ZNF142: variants seen among roughly 807,000 people sequenced by gnomAD.
ZNF142 encodes zinc finger protein 142 (clone pHZ-49).
A neutral mutation model predicts 132.1 loss-of-function variants in ZNF142; 96 were observed. That is an observed-to-expected ratio of 0.73 (90% confidence interval 0.62 to 0.86). ZNF142 has a LOEUF of 0.86. Ranked by LOEUF, ZNF142 falls within the 40% of genes least tolerant of loss-of-function variation. The pLI is 0.00. For synonymous variants in ZNF142, 842 were observed against 890.1 expected (o/e 0.95, Z 0.96); for missense variants, 2,163 against 2,336.2 (o/e 0.93, Z 1.53).
In ZNF142 at chr2:218,634,104, G is replaced by A; in HGVS notation, c.*4235C>T. The A allele has an allele frequency of 6.2e-7, 1 of 1,607,352 alleles. No individual in the cohort carries two copies. Among genetic ancestry groups the A allele is most frequent in the Non-Finnish European group, 8.5e-7 (1 of 1,176,864 alleles). ...ATCTCCCTCTCTATACCCTTTTACA[G>A]GCAATGAGTTTGTGCAGCACAATAC... On this transcript the variant is annotated 3_prime_UTR_variant, in exon 11 of 11. Transcript: ENST00000411696. This position sits in a 1 kb window ranked among gnomAD's most constrained non-coding sequence, Gnocchi z 4.0.
Position 218,637,062 on chromosome 2 carries a change from G to A in ZNF142, c.*1277C>T, listed in dbSNP as rs145617745. ...TTCCCCAGCAAAGATTAGGGAAAGA[G>A]ACTTGACCCCAGGACTGTACTACGA... is the stretch of plus-strand genomic sequence containing the variant. On this transcript the variant is annotated 3_prime_UTR_variant, in exon 11 of 11. Transcript: ENST00000411696. 2.1e-4 allele frequency: 83 copies of A among 390,090 alleles called. No individual in the cohort carries two copies. Among genetic ancestry groups the A allele is most frequent in the African/African-American group, 1.6e-3 (75 of 47,828 alleles). 24.2% of individuals were successfully genotyped at this position (390,090 alleles called of 1,614,324 possible).
Position 218,646,201 on chromosome 2 carries a change from A to C in ZNF142, c.2021T>G (p.Val674Gly). The C allele has an allele frequency of 6.2e-7, 1 of 1,614,062 alleles. No individual in the cohort carries two copies. The highest frequency in any genetic ancestry group is 8.5e-7 in the Non-Finnish European group (1 of 1,180,038). ...YVTKWKHYLRVHMRKHAGDLR... is the reference protein window; with the variant it reads ...YVTKWKHYLRGHMRKHAGDLR... ...GTCCCCTGCATGTTTTCGCATGTGC[A>C]CACGGAGGTAGTGCTTCCACTTGGT... is the stretch of plus-strand genomic sequence containing the variant. The change falls in exon 8 of 11, where the codon GTG becomes GGG. Residue 674 changes from valine (V) to glycine (G), a missense_variant. Val to Gly is a moderately radical substitution (Grantham distance 109). This residue lies in a region of ZNF142 where 749 missense variants were observed against 830.3 expected (regional missense o/e 0.90). Transcript: ENST00000411696.
rs1696842429 is a variant in ZNF142, at chr2:218,637,704, A to C, written c.*635T>G. Among the ~76,000 whole-genome samples, 1 of 152,190 alleles carries C rather than the reference A, an allele frequency of 6.6e-6. No individual in the cohort carries two copies. Among genetic ancestry groups the C allele is most frequent in the Non-Finnish European group, 1.5e-5 (1 of 68,038 alleles). On this transcript the variant is annotated 3_prime_UTR_variant, in exon 11 of 11. Coordinates refer to ENST00000411696, the MANE Select transcript of ZNF142 (RefSeq NM_001379659.1). ...ATCCTCCCTCTATAGATACAGGTAGACAAAGGAGCTTGGAAGTAGGGAGCA... is the reference window on the plus strand; with the variant it reads ...ATCCTCCCTCTATAGATACAGGTAGCCAAAGGAGCTTGGAAGTAGGGAGCA...
Position 218,637,207 on chromosome 2 carries a change from C to A in ZNF142, c.*1132G>T. The A allele has an allele frequency of 4.3e-6, 1 of 233,734 alleles. No individual in the cohort carries two copies. The highest frequency in any genetic ancestry group is 5.6e-5 in the South Asian group (1 of 17,876). The allele number at this position is 233,734 out of a possible 1,614,324, so 14.5% of individuals were successfully genotyped here. On this transcript the variant is annotated 3_prime_UTR_variant, in exon 11 of 11. Coordinates refer to ENST00000411696, the MANE Select transcript of ZNF142 (RefSeq NM_001379659.1). The stretch of plus-strand genomic sequence containing the variant: ...TTCAATATGGTCTGTCATTGTTGGG[C>A]AAGAAGGGGAGGTACAAGGGTTGTG...
At position 218,640,826 on chromosome 2, in the gene ZNF142, CTGT is replaced by C. The variant is rs1397893583; in HGVS notation, c.5089-60_5089-58del. On this transcript the variant is annotated intron_variant, in intron 9 of 10. Coordinates refer to ENST00000411696, the MANE Select transcript of ZNF142 (RefSeq NM_001379659.1). ...ATAGTAAGTGCTCAATAAATGTTAG[CTGT>C]TATTATCCAGGTTATTCTTGCCCTG... 10 of 1,378,220 alleles carry C rather than the reference CTGT, an allele frequency of 7.3e-6. No homozygotes were observed. In the East Asian group the frequency reaches 2.1e-4, roughly 29 times the overall value. 85.4% of individuals were successfully genotyped at this position (1,378,220 alleles called of 1,614,324 possible).
At position 218,635,730 on chromosome 2, in the gene ZNF142, T is replaced by A. The variant is rs1039410522; in HGVS notation, c.*2609A>T. 4 of 1,551,086 alleles carry A rather than the reference T, an allele frequency of 2.6e-6. No individual in the cohort carries two copies. The African/African-American group carries it at 5.5e-5, about 21-fold the overall frequency. The stretch of plus-strand genomic sequence containing the variant: ...CAAAAAGCTTCTTCTCCCCTGGGGT[T>A]GGGAGTAGGGTCGGGTGGGGCTGGG... On this transcript the variant is annotated 3_prime_UTR_variant, in exon 11 of 11. Transcript: ENST00000411696.
intron 8 of ZNF142, 115 bp from the exon 9 acceptor site, chr2:218,645,179 C>G: frequency 7.7e-7 from 1 of 1,303,068 alleles, no homozygotes; most frequent in Admixed American, 2.4e-5. Context: ...ACATGTGTCA[C>G]CTGATGTAAC....
chr2:218,651,377 T>C (rs1189243138), intron 5 of ZNF142, among the ~76,000 whole-genome samples: 2 of 152,234 alleles, frequency 1.3e-5, no homozygotes, highest in Non-Finnish European at 2.9e-5. Flanking sequence ...TCAGTGGCCA[T>C]AGCCAATGAT....
In ZNF142 at chr2:218,652,172, G is replaced by A. The variant is rs546571817; in HGVS notation, c.409C>T (p.Pro137Ser). Residue 137 changes from proline (P) to serine (S), a missense_variant, in exon 5 of 11, where the codon CCC becomes TCC. By Grantham distance (74) the Pro-to-Ser change is moderately conservative. Around this residue, in one of 7 missense-constraint regions of ZNF142, gnomAD observed 195 missense variants for 172.4 expected, o/e 1.13. Transcript: ENST00000411696. ...GGAGGCAGCTCTACAGAGCATGGGG[G>A]GCTAGAGAGGCCCTGCACAGGCTGT... ...HIQPVQGLSSPPCSVELPPSN... is the reference protein window; with the variant it reads ...HIQPVQGLSSSPCSVELPPSN... 59 of 454,974 alleles carry A rather than the reference G, an allele frequency of 1.3e-4. No homozygotes were observed. Among genetic ancestry groups the A allele is most frequent in the Middle Eastern group, 9.7e-4 (3 of 3,096 alleles). 28.2% of individuals were successfully genotyped at this position (454,974 alleles called of 1,614,324 possible).
At position 218,633,998 on chromosome 2, in the gene ZNF142, C is replaced by T; in HGVS notation, c.*4341G>A. 2 of 1,445,050 alleles carry T rather than the reference C, an allele frequency of 1.4e-6. No homozygotes were observed. The highest frequency in any genetic ancestry group is 9.4e-7 in the Non-Finnish European group (1 of 1,068,092). The allele number at this position is 1,445,050 out of a possible 1,614,324, so 89.5% of individuals were successfully genotyped here. On this transcript the variant is annotated 3_prime_UTR_variant, in exon 11 of 11. Coordinates refer to ENST00000411696, the MANE Select transcript of ZNF142 (RefSeq NM_001379659.1). ...GAGGCACAGTGAAACTTTCTGGAGC[C>T]AGCTTCAGATGCTGGAGAGAAGGGT...
intron 8 of ZNF142, among the ~76,000 whole-genome samples, chr2:218,645,576 CA>C (rs1697660506): frequency 6.6e-6 from 1 of 152,100 alleles, no homozygotes; most frequent in African/African-American, 2.4e-5. Context: ...TCCACTTTCC[CA>C]GGGCCAAACT....
rs1183758010 is a variant in ZNF142, at chr2:218,642,978, A to T, written c.4138T>A (p.Cys1380Ser). Residue 1380 changes from cysteine (C) to serine (S), a missense_variant, in exon 9 of 11, where the codon TGT (cysteine) becomes AGT (serine). Cys to Ser is a moderately radical substitution (Grantham distance 112, BLOSUM62 -1). Transcript: ENST00000411696. The surrounding 1 kb of genome is among the most constrained non-coding windows in gnomAD (Gnocchi z 4.6). The part of the protein sequence containing the change: ...HLQCGDCGFT[C>S]KQSRCMQQHR... ...TGCTGCATGCAACGGCTCTGTTTACAGGTGAAGCCACAGTCCCCACACTGT... is the reference window on the plus strand; with the variant it reads ...TGCTGCATGCAACGGCTCTGTTTACTGGTGAAGCCACAGTCCCCACACTGT... 4 of 1,613,102 alleles carry T rather than the reference A, an allele frequency of 2.5e-6. No homozygotes were observed. The highest frequency in any genetic ancestry group is 1.7e-4 in the Middle Eastern group (1 of 6,056).
chr2:218,638,949 C>T (rs1696947958), intron 10 of ZNF142, 141 bp from the exon 11 acceptor site: 1 of 667,938 alleles, frequency 1.5e-6, no homozygotes, highest in Non-Finnish European at 2.5e-6. Context: ...TCCAGTCCTC[C>T]AGTCCTGTCT....
rs200474220 is a variant in ZNF142, at chr2:218,643,800, T to G, written c.3316A>C (p.Ile1106Leu). The change falls in exon 9 of 11, where the codon ATC (isoleucine) becomes CTC (leucine). Residue 1106 changes from isoleucine to leucine, a missense_variant. Transcript: ENST00000411696. ...NKGLPRPDSP[I>L]PLQPVLPGTQ... The stretch of plus-strand genomic sequence containing the variant: ...CCTGGGAGCACAGGTTGCAGAGGGA[T>G]GGGTGAATCTGGTCTGGGCAAGCCC... 234 of 1,611,380 alleles carry G rather than the reference T, an allele frequency of 1.5e-4. No individual in the cohort carries two copies. The African/African-American group carries it at 2.7e-3, about 18-fold the overall frequency.
chr2:218,636,539 A>G lies in ZNF142; in HGVS notation c.*1800T>C. ...CCGCCCAGCTTCCATCTTTGTGTAT[A>G]TCTGCATCCAGGAAGGCCTGGAGGG... On this transcript the variant is annotated 3_prime_UTR_variant, in exon 11 of 11. Transcript: ENST00000411696. The G allele has an allele frequency of 6.2e-7, 1 of 1,613,944 alleles. No individual in the cohort carries two copies. Among genetic ancestry groups the G allele is most frequent in the Non-Finnish European group, 8.5e-7 (1 of 1,179,860 alleles).
At position 218,637,966 on chromosome 2, in the gene ZNF142, T is replaced by C. The variant is rs1305703544; in HGVS notation, c.*373A>G. The C allele has an allele frequency of 5.6e-6, 1 of 178,972 alleles. No homozygotes were observed. Among genetic ancestry groups the C allele is most frequent in the Non-Finnish European group, 1.2e-5 (1 of 86,544 alleles). 11.1% of individuals were successfully genotyped at this position (178,972 alleles called of 1,614,324 possible). A position where few individuals can be genotyped will look rare whatever the true frequency, so the allele number is the denominator to read the frequency against. On this transcript the variant is annotated 3_prime_UTR_variant, in exon 11 of 11. Coordinates refer to ENST00000411696, the MANE Select transcript of ZNF142 (RefSeq NM_001379659.1). ...CATTAGGCACAACAGCACATGCGGT[T>C]AGATACAACTGTTTTTAGAAGATTC...
intron 3 of ZNF142, 52 bp from the exon 4 acceptor site, chr2:218,656,515 T>C: frequency 7.3e-7 from 1 of 1,373,534 alleles, no homozygotes; most frequent in East Asian, 2.5e-5. Context: ...TCTTACTTTC[T>C]TCCTGGCTGG....
intron 7 of ZNF142, among the ~76,000 whole-genome samples, 183 bp from the exon 8 acceptor site, chr2:218,646,531 TCCC>T (rs1438660392): frequency 6.6e-6 from 1 of 151,368 alleles, no homozygotes; most frequent in African/African-American, 2.4e-5. Context: ...AGACAACTAC[TCCC>T]CCAACTCCCA....
rs1217566423 is a variant in ZNF142 at position 218,651,773 on chromosome 2, G to A, written c.808C>T (p.Arg270Trp). The A allele has an allele frequency of 7.8e-6, 10 of 1,289,754 alleles. No homozygotes were observed. The highest frequency in any genetic ancestry group is 2.3e-5 in the Admixed American group (1 of 43,550). 79.9% of individuals were successfully genotyped at this position (1,289,754 alleles called of 1,614,324 possible). Residue 270 changes from arginine to tryptophan, a missense_variant, in exon 5 of 11, where the codon CGG (arginine) becomes TGG (tryptophan). Arg to Trp is a moderately radical substitution (Grantham distance 101, BLOSUM62 -3). This residue lies in a region of ZNF142 where 63 missense variants were observed against 104.1 expected (regional missense o/e 0.61). Coordinates refer to ENST00000411696, the MANE Select transcript of ZNF142 (RefSeq NM_001379659.1). ...SNVKLFRQHQ[R>W]SHGAGTQGEL... The stretch of plus-strand genomic sequence containing the variant: ...CCCTGTGTCCCAGCACCATGGCTCC[G>A]CTGATGCTGCCGGAAGAGTTTGACG...
Sources: allele counts gnomAD v4.1 joint callset (sites outside exome capture counted in the v4.1 genomes callset), GRCh38; gene constraint gnomAD v4.1.1; regional missense constraint gnomAD v4.1.1; non-coding constraint Gnocchi (gnomAD v3.1); transcripts MANE v1.5; gene names NCBI Gene and HGNC (gene_info 2026-07-23, HGNC 2026-07-21).